The following METAP1D variants were observed in gnomAD, a reference collection of about 807,000 sequenced individuals.
METAP1D encodes methionyl aminopeptidase type 1D, mitochondrial.
METAP1D carries 31 observed loss-of-function variants against 40.5 expected under a neutral mutation model. That is an observed-to-expected ratio of 0.77 (90% CI 0.58 to 1.03). METAP1D has a LOEUF of 1.03. METAP1D is among the 50% of genes least tolerant of loss of function. The pLI, the probability that METAP1D is intolerant of heterozygous loss-of-function variation, is 0.00. For missense variants in METAP1D, 411 were observed against 420.7 expected, an observed-to-expected ratio of 0.98 and a Z score of 0.20; for synonymous variants, 151 against 146.4, an observed-to-expected ratio of 1.03 and a Z score of -0.22.
chr2:172,047,400 C>A (rs1326248839), intron 1 of METAP1D, among the ~76,000 whole-genome samples: 1 of 151,874 alleles, frequency 6.6e-6, no homozygotes, highest in East Asian at 1.9e-4. Flanking sequence ...ACAGCATTGA[C>A]TGAATGGTAT....
At position 172,043,100 on chromosome 2, in the gene METAP1D, T is replaced by C. The variant is rs796075513; in HGVS notation, c.41-18398T>C. Among the ~76,000 whole-genome samples the C allele has an allele frequency of 1.6e-4, 7 of 44,160 alleles. 1 individual carries two copies. The highest frequency in any genetic ancestry group is 4.9e-4 in the African/African-American group (6 of 12,306). The allele number at this position is 44,160 out of a possible 152,430, so 29.0% of individuals were successfully genotyped here. A position where few individuals can be genotyped will look rare whatever the true frequency, so the allele number is the denominator to read the frequency against. On this transcript the variant is annotated intron_variant, in intron 1 of 9. Coordinates refer to ENST00000315796, the MANE Select transcript of METAP1D (RefSeq NM_199227.3). ...GTGTGTACATATATTTACATACATATATATATATATATATATATTTTTTGG... is the reference window on the plus strand; with the variant it reads ...GTGTGTACATATATTTACATACATACATATATATATATATATATTTTTTGG...
rs1235059299 is a variant in METAP1D, at chr2:172,080,798, A to G, written c.*392A>G. The G allele has an allele frequency of 1.1e-5, 3 of 283,216 alleles. No homozygotes were observed. The highest frequency in any genetic ancestry group is 2.0e-5 in the Non-Finnish European group (3 of 148,894). 17.5% of individuals were successfully genotyped at this position (283,216 alleles called of 1,614,324 possible). ...AGAGGTCCTTACCTCTCTGACAGTT[A>G]CAGTGATCTTTGTATCTGAACTTTG... On this transcript the variant is annotated 3_prime_UTR_variant, in exon 10 of 10. Coordinates refer to ENST00000315796, the MANE Select transcript of METAP1D (RefSeq NM_199227.3).
At chr2:172,012,424 T>A (rs1321459834) in intron 1 of METAP1D, among the ~76,000 whole-genome samples, 2 of 152,096 alleles carry the variant, frequency 1.3e-5, no homozygotes, top group African/African-American at 4.8e-5. Context: ...AACAGCTAGA[T>A]AGCAACGTGA....
At chr2:172,059,756 A>G (rs1205160740) in intron 1 of METAP1D, among the ~76,000 whole-genome samples, 2 of 152,202 alleles carry the variant, frequency 1.3e-5, no homozygotes, top group Non-Finnish European at 2.9e-5. Context: ...GGGGACTTCT[A>G]AAACTATTGT....
chr2:172,048,699 A>C (rs1331360224), intron 1 of METAP1D, among the ~76,000 whole-genome samples: 2 of 152,156 alleles, frequency 1.3e-5, no homozygotes, highest in African/African-American at 4.8e-5. Flanking sequence ...TCTTTGTAAC[A>C]CTCCAGTAGA....
In METAP1D at chr2:172,082,154, C is replaced by G. The variant is rs1690734106; in HGVS notation, c.*1748C>G. The G allele has an allele frequency of 6.7e-6, 1 of 150,236 alleles. No individual in the cohort carries two copies. The highest frequency in any genetic ancestry group is 1.5e-5 in the Non-Finnish European group (1 of 67,634). 9.3% of individuals were successfully genotyped at this position (150,236 alleles called of 1,614,324 possible). A position where few individuals can be genotyped will look rare whatever the true frequency, so the allele number is the denominator to read the frequency against. On this transcript the variant is annotated 3_prime_UTR_variant, in exon 10 of 10. Coordinates refer to ENST00000315796, the MANE Select transcript of METAP1D (RefSeq NM_199227.3). Reference sequence around the variant, plus strand: ...TACTGCCCCCCACCCCCCCAAAGATCTGAATTCCCTAAAGATCAAGAGGGT... The same window carrying G: ...TACTGCCCCCCACCCCCCCAAAGATGTGAATTCCCTAAAGATCAAGAGGGT...
intron 7 of METAP1D, 28 bp downstream of exon 7, chr2:172,077,922 C>G (rs1467670888): frequency 7.6e-7 from 1 of 1,308,334 alleles, no homozygotes; most frequent in East Asian, 2.3e-5. Context: ...GAGGCTGTTT[C>G]TTGATCAGAG....
chr2:172,070,397 ATTTG>A (rs1559020426), intron 5 of METAP1D, among the ~76,000 whole-genome samples: 1 of 152,122 alleles, frequency 6.6e-6, no homozygotes, highest in East Asian at 1.9e-4. Flanking sequence ...GAATTCTCCT[ATTTG>A]TTTGTTAGAA....
intron 1 of METAP1D, among the ~76,000 whole-genome samples, chr2:172,040,585 A>T (rs1042154557): frequency 5.9e-5 from 9 of 152,154 alleles, no homozygotes; most frequent in Non-Finnish European, 1.2e-4. Context: ...CTAAATACAC[A>T]GCGTTTTAGG....
intron 1 of METAP1D, among the ~76,000 whole-genome samples, chr2:172,045,693 A>ATGTGTG (rs1559010007): frequency 7.0e-5 from 5 of 71,938 alleles, no homozygotes; most frequent in African/African-American, 2.4e-4. Context: ...AGGATCATTC[A>ATGTGTG]TATATATGTG....
chr2:172,021,753 C>T lies in METAP1D; in HGVS notation c.40+21744C>T, dbSNP rs568192573. 1.5e-4 allele frequency: 23 copies of T among 152,358 alleles called. 1 individual carries two copies. The highest frequency in any genetic ancestry group is 9.2e-4 in the Admixed American group (14 of 15,290). 9.4% of individuals were successfully genotyped at this position (152,358 alleles called of 1,614,324 possible). A position where few individuals can be genotyped will look rare whatever the true frequency, so the allele number is the denominator to read the frequency against. On this transcript the variant is annotated intron_variant, in intron 1 of 9. Coordinates refer to ENST00000315796, the MANE Select transcript of METAP1D (RefSeq NM_199227.3). ...CCCGAGTACCTGCCCTCCGGATACA[C>T]CCAAGACCTCCCTGGCCTTGGCTCC...
At chr2:172,075,676 A>G (rs1033672432) in intron 6 of METAP1D, among the ~76,000 whole-genome samples, 1 of 152,202 alleles carries the variant, frequency 6.6e-6, no homozygotes, top group Non-Finnish European at 1.5e-5. Context: ...ATGCTTTTAA[A>G]CAGTAATTAG....
At chr2:172,038,659 C>T (rs1219087743) in intron 1 of METAP1D, among the ~76,000 whole-genome samples, 2 of 152,152 alleles carry the variant, frequency 1.3e-5, no homozygotes, top group Admixed American at 6.5e-5. Flanking sequence ...GCTACCTGAA[C>T]CACTTGTAGA....
chr2:172,012,093 G>C (rs140688146), intron 1 of METAP1D, among the ~76,000 whole-genome samples: 2 of 152,206 alleles, frequency 1.3e-5, no homozygotes, highest in African/African-American at 4.8e-5. Flanking sequence ...GATCATTCTG[G>C]ACGTGGGGTC....
At chr2:172,014,446 A>G (rs569570902) in intron 1 of METAP1D, among the ~76,000 whole-genome samples, 125 of 152,176 alleles carry the variant, frequency 8.2e-4, no homozygotes, top group Admixed American at 1.4e-3. Flanking sequence ...AAAGAGATAT[A>G]TACTTAGCAT....
chr2:172,067,189 CAA>C (rs1026500965), intron 5 of METAP1D, among the ~76,000 whole-genome samples: 8 of 151,902 alleles, frequency 5.3e-5, no homozygotes, highest in African/African-American at 1.9e-4. Flanking sequence ...AATAAATAAA[CAA>C]AATTTAAACA....
rs1689453009 is a variant in METAP1D at position 172,038,857 on chromosome 2, A to T, written c.41-22641A>T. ...AGACTAGGGTTACATAATATTTATG[A>T]GGTCTGAAGTTAGCCATCACCAAAG... On this transcript the variant is annotated intron_variant, in intron 1 of 9. Coordinates refer to ENST00000315796, the MANE Select transcript of METAP1D (RefSeq NM_199227.3). Among the ~76,000 whole-genome samples the T allele has an allele frequency of 1.3e-5, 2 of 152,218 alleles. 1 individual carries two copies. The highest frequency in any genetic ancestry group is 4.1e-4 in the South Asian group (2 of 4,832).
intron 1 of METAP1D, among the ~76,000 whole-genome samples, chr2:172,049,694 A>G (rs560676182): frequency 6.6e-6 from 1 of 152,180 alleles, no homozygotes; most frequent in Non-Finnish European, 1.5e-5. Context: ...AGGTTACTGT[A>G]TACTTTCTCT....
At chr2:172,067,424 T>C (rs1268630033) in intron 5 of METAP1D, among the ~76,000 whole-genome samples, 7 of 152,224 alleles carry the variant, frequency 4.6e-5, no homozygotes, top group African/African-American at 9.6e-5. Flanking sequence ...GATTCTTTCA[T>C]TGCTGATGCT....
Sources: allele counts gnomAD v4.1 joint callset (sites outside exome capture counted in the v4.1 genomes callset), GRCh38; gene constraint gnomAD v4.1.1; transcripts MANE v1.5; gene names NCBI Gene and HGNC (gene_info 2026-07-23, HGNC 2026-07-21).